Variants in RPS6KA2 observed in about 807,000 individuals in gnomAD.
RPS6KA2 encodes the protein ribosomal protein S6 kinase alpha-2.
A neutral mutation model predicts 91.8 loss-of-function variants in RPS6KA2; 42 were observed. That is an observed-to-expected ratio of 0.46 (90% confidence interval 0.36 to 0.59). The LOEUF is 0.59. RPS6KA2 is among the 20% of genes least tolerant of loss of function. RPS6KA2 has a pLI of 0.00. For synonymous variants in RPS6KA2, 414 were observed against 393.6 expected (o/e 1.05, Z -0.61); for missense variants, 798 against 978.5 (o/e 0.82, Z 2.46).
chr6:166,568,567 G>A (rs1188718624), intron 1 of RPS6KA2, among the ~76,000 whole-genome samples: 5 of 132,686 alleles, frequency 3.8e-5, no homozygotes, highest in East Asian at 2.6e-4. Flanking sequence ...GCGGAGAGCC[G>A]AGATTGCGCC....
chr6:166,606,000 C>T (rs1449551987), intron 1 of RPS6KA2, among the ~76,000 whole-genome samples: 2 of 152,210 alleles, frequency 1.3e-5, no homozygotes, highest in Non-Finnish European at 2.9e-5. Flanking sequence ...TTTCCTTCTG[C>T]CAGCAAAGCA....
intron 2 of RPS6KA2, 63 bp from the exon 3 acceptor site, chr6:166,531,376 A>G (rs1783269299): frequency 6.5e-6 from 8 of 1,237,748 alleles, no homozygotes; most frequent in Middle Eastern, 3.7e-4. Flanking sequence ...TCCATATTGG[A>G]TTTGACAAGG....
chr6:166,443,110 T>A (rs1269103273), intron 14 of RPS6KA2, among the ~76,000 whole-genome samples: 1 of 152,192 alleles, frequency 6.6e-6, no homozygotes, highest in East Asian at 1.9e-4. Context: ...GTATTAAGAA[T>A]ACAGTATATA....
chr6:166,780,867 A>G (rs990620824), intron 2 of RPS6KA2, among the ~76,000 whole-genome samples: 1 of 152,234 alleles, frequency 6.6e-6, no homozygotes, highest in African/African-American at 2.4e-5. Flanking sequence ...TTTAAAAAAT[A>G]TCTTGTAACA....
At chr6:166,438,762 C>T (rs762781874) in intron 14 of RPS6KA2, among the ~76,000 whole-genome samples, 3 of 152,216 alleles carry the variant, frequency 2.0e-5, no homozygotes, top group Admixed American at 6.5e-5. Flanking sequence ...CTGTAAAGCT[C>T]ATTTAATTTC....
intron 1 of RPS6KA2, among the ~76,000 whole-genome samples, chr6:166,541,032 G>A (rs1400429474): frequency 1.3e-5 from 2 of 152,204 alleles, no homozygotes; most frequent in African/African-American, 4.8e-5. Context: ...TCCTCGCAAT[G>A]GGTCCATTAA....
At chr6:166,589,242 G>A (rs549041498) in intron 1 of RPS6KA2, among the ~76,000 whole-genome samples, 1 of 152,338 alleles carries the variant, frequency 6.6e-6, no homozygotes, top group South Asian at 2.1e-4. Flanking sequence ...TGGAGAAAGC[G>A]TCTGCTCAAC....
In RPS6KA2 at chr6:166,666,221, G is replaced by T. The variant is rs980369794; in HGVS notation, c.124-127437C>A. 4.6e-5 allele frequency among the ~76,000 whole-genome samples: 7 copies of T among 152,170 alleles called. No individual in the cohort carries two copies. Among genetic ancestry groups the T allele is most frequent in the African/African-American group, 1.7e-4 (7 of 41,428 alleles). On this transcript the variant is annotated intron_variant, in intron 2 of 21. Transcript: ENST00000503859. The surrounding 1 kb of genome is among the most constrained non-coding windows in gnomAD (Gnocchi z 4.0). ...CCCCATCTAGTGAGTGCTCTGCTGT[G>T]CATCAGAGAGAGGGGGCGGGACTGG...
chr6:166,455,075 C>T (rs1271759201), intron 12 of RPS6KA2, among the ~76,000 whole-genome samples: 2 of 151,874 alleles, frequency 1.3e-5, no homozygotes, highest in African/African-American at 4.8e-5. Flanking sequence ...TTTGTATATT[C>T]GAGAATTCTC....
chr6:166,779,592 G>C (rs1427142475), intron 2 of RPS6KA2, among the ~76,000 whole-genome samples: 1 of 152,198 alleles, frequency 6.6e-6, no homozygotes, highest in Non-Finnish European at 1.5e-5. Flanking sequence ...CCGCTCCGGG[G>C]CCTCAGTCTA....
intron 9 of RPS6KA2, among the ~76,000 whole-genome samples, chr6:166,489,490 G>A (rs1355697392): frequency 6.6e-6 from 1 of 152,192 alleles, no homozygotes; most frequent in Non-Finnish European, 1.5e-5. Flanking sequence ...AACCCCACGC[G>A]CAGAGCCTAG....
intron 1 of RPS6KA2, among the ~76,000 whole-genome samples, chr6:166,550,732 A>G (rs9457178): frequency 0.034 from 5,179 of 152,206 alleles, 114 homozygotes; most frequent in African/African-American, 0.041. Context: ...GTTGGGCGCG[A>G]TGGCTCACGC....
chr6:166,728,358 C>A (rs1435245549), intron 2 of RPS6KA2, among the ~76,000 whole-genome samples: 1 of 152,206 alleles, frequency 6.6e-6, no homozygotes. Context: ...ATGACCTGGA[C>A]GCAGGGGTCC....
At chr6:166,595,263 G>A (rs560340464) in intron 1 of RPS6KA2, among the ~76,000 whole-genome samples, 11 of 152,200 alleles carry the variant, frequency 7.2e-5, no homozygotes, top group African/African-American at 2.4e-4. Context: ...TGCTGGCCAC[G>A]CTGGTCTCGA....
chr6:166,572,797 C>T (rs764948850), intron 1 of RPS6KA2, among the ~76,000 whole-genome samples: 3 of 152,236 alleles, frequency 2.0e-5, no homozygotes, highest in Admixed American at 2.0e-4. Context: ...CAACGGCACA[C>T]GTGTCTCTAC....
intron 2 of RPS6KA2, among the ~76,000 whole-genome samples, chr6:166,780,029 A>G (rs1778726899): frequency 6.6e-6 from 1 of 152,224 alleles, no homozygotes; most frequent in African/African-American, 2.4e-5. Context: ...AGATAGGGAA[A>G]GGCCTCCTCT....
Position 166,459,567 on chromosome 6 carries a change from A to G in RPS6KA2, c.973-16T>C, listed in dbSNP as rs1227217627. The G allele has an allele frequency of 1.9e-6, 3 of 1,592,548 alleles. No homozygotes were observed. The highest frequency in any genetic ancestry group is 3.3e-5 in the Admixed American group (2 of 59,798). ...GGTACAGCGTCTATTAATACAAGGAAAGCAAGACAGGGCACTGAGGATGCA... is the reference window on the plus strand; with the variant it reads ...GGTACAGCGTCTATTAATACAAGGAGAGCAAGACAGGGCACTGAGGATGCA... On this transcript the variant is annotated splice_polypyrimidine_tract_variant and intron_variant, in intron 11 of 20. Transcript: ENST00000265678. The surrounding 1 kb of genome is among the most constrained non-coding windows in gnomAD (Gnocchi z 4.9).
At position 166,625,367 on chromosome 6, in the gene RPS6KA2, C is replaced by T. The variant is rs368213623; in HGVS notation, c.99+1554G>A. 2.7e-4 allele frequency among the ~76,000 whole-genome samples: 33 copies of T among 120,314 alleles called. 1 individual carries two copies. In the East Asian group the frequency reaches 6.7e-3, roughly 24 times the overall value. The allele number at this position is 120,314 out of a possible 152,430, so 78.9% of individuals were successfully genotyped here. ...CGCTTGTTTCCCACTGTATTCTTTC[C>T]GGAGGCACGCCTGCAGCCCAGCCCT... On this transcript the variant is annotated intron_variant, in intron 1 of 20. Coordinates refer to ENST00000265678, the MANE Select transcript of RPS6KA2 (RefSeq NM_021135.6).
chr6:166,788,059 C>G (rs191399998), intron 2 of RPS6KA2, among the ~76,000 whole-genome samples: 23 of 151,250 alleles, frequency 1.5e-4, no homozygotes, highest in Middle Eastern at 3.5e-3. Flanking sequence ...ATTTATGCAG[C>G]CAACAGACAT....
Sources: allele counts gnomAD v4.1 joint callset (sites outside exome capture counted in the v4.1 genomes callset), GRCh38; gene constraint gnomAD v4.1.1; non-coding constraint Gnocchi (gnomAD v3.1); transcripts MANE v1.5; gene names NCBI Gene and HGNC (gene_info 2026-07-23, HGNC 2026-07-21).